Variants in HIP1 observed in about 807,000 individuals in gnomAD.
The protein encoded by HIP1 is huntingtin interacting protein 1.
A neutral mutation model predicts 147.6 loss-of-function variants in HIP1; 65 were observed. The ratio of observed to expected loss-of-function variants is 0.44; its 90% CI spans 0.36 to 0.54. The LOEUF is 0.54. Among genes scored for constraint, HIP1 ranks in the 20% least tolerant of loss-of-function variants. The probability of loss-of-function intolerance (pLI) is 0.00; values close to 1 mark genes in which losing one functional copy is unlikely to be tolerated. For missense variants in HIP1, 1,061 were observed against 1,299.6 expected (o/e 0.82, Z 2.82); for synonymous variants, 479 against 504.0 (o/e 0.95, Z 0.67).
intron 1 of HIP1, among the ~76,000 whole-genome samples, chr7:75,712,203 C>T (rs1801182977): frequency 6.6e-6 from 1 of 152,068 alleles, no homozygotes; most frequent in South Asian, 2.1e-4. Context: ...TATTTTCTTC[C>T]CTTTCTTCTC....
At chr7:75,609,635 G>T (rs1554504464) in intron 1 of HIP1, among the ~76,000 whole-genome samples, 1 of 151,110 alleles carries the variant, frequency 6.6e-6, no homozygotes, top group Non-Finnish European at 1.5e-5. Flanking sequence ...TCGGCTCAGT[G>T]CAACCTCCTC....
In HIP1 at chr7:75,555,511, A is replaced by C. The variant is rs1373163313; in HGVS notation, c.1868T>G (p.Leu623Arg). The C allele has an allele frequency of 1.4e-5, 23 of 1,614,204 alleles. No homozygotes were observed. The highest frequency in any genetic ancestry group is 1.9e-5 in the Non-Finnish European group (23 of 1,180,022). The change falls in exon 19 of 31, where the codon CTT becomes CGT. Residue 623 changes from leucine (L) to arginine (R), a missense_variant. Around this residue, in one of 3 missense-constraint regions of HIP1, gnomAD observed 810 missense variants for 946.8 expected, o/e 0.86. Transcript: ENST00000336926. ...CQLAKDQRKM[L>R]LVGSRKAAEQ... ...CGCAGCCTTCCTGGACCCCACCAGA[A>C]GCATTTTTCGTTGGTCTTTGGCAAG...
chr7:75,641,161 C>T (rs1316647465), intron 1 of HIP1, among the ~76,000 whole-genome samples: 1 of 151,920 alleles, frequency 6.6e-6, no homozygotes, highest in Admixed American at 6.6e-5. Flanking sequence ...CAAAAATTAG[C>T]TGGTCATGAT....
rs782775612 is a variant in HIP1 at position 75,545,757 on chromosome 7, A to G, written c.2560-569T>C. ...TCAAGAGATTGAGACCATCCTGTCT[A>G]ACATGGTGAAACTCCGTCTCTACTA... On this transcript the variant is annotated intron_variant, in intron 25 of 30. Transcript: ENST00000336926. 2.6e-5 allele frequency among the ~76,000 whole-genome samples: 4 copies of G among 152,100 alleles called. 1 individual carries two copies. The highest frequency in any genetic ancestry group is 2.0e-4 in the Admixed American group (3 of 15,244).
At chr7:75,721,571 A>G (rs986108200) in intron 1 of HIP1, among the ~76,000 whole-genome samples, 4 of 151,994 alleles carry the variant, frequency 2.6e-5, no homozygotes, top group Non-Finnish European at 5.9e-5. Context: ...TTTTTGTTAT[A>G]TGCTACAAGC....
At chr7:75,585,355 T>A (rs1163870552) in intron 5 of HIP1, among the ~76,000 whole-genome samples, 1 of 151,908 alleles carries the variant, frequency 6.6e-6, no homozygotes, top group East Asian at 1.9e-4. Flanking sequence ...TTTGTATTTT[T>A]AGTAGAGACG....
Position 75,607,232 on chromosome 7 carries a change from TG to T in HIP1, c.121-7986del, listed in dbSNP as rs201690470. On this transcript the variant is annotated intron_variant, in intron 1 of 30. Coordinates refer to ENST00000336926, the MANE Select transcript of HIP1 (RefSeq NM_005338.7). ...AAAAAAAAAGAGTTGTTTTTTGTTT[TG>T]TTTTTTTTTTTTTTGAGACAGAGTC... is the stretch of plus-strand genomic sequence containing the variant. Among the ~76,000 whole-genome samples, 30 of 146,406 alleles carry T rather than the reference TG, an allele frequency of 2.0e-4. 1 individual carries two copies. Among genetic ancestry groups the T allele is most frequent in the African/African-American group, 5.2e-4 (20 of 38,600 alleles).
At chr7:75,725,790 T>C (rs1801631340) in intron 1 of HIP1, among the ~76,000 whole-genome samples, 1 of 151,962 alleles carries the variant, frequency 6.6e-6, no homozygotes, top group African/African-American at 2.4e-5. Context: ...ATTATGAATA[T>C]TCTTCTAAAT....
At chr7:75,704,158 C>T (rs1201056477) in intron 1 of HIP1, among the ~76,000 whole-genome samples, 2 of 152,176 alleles carry the variant, frequency 1.3e-5, no homozygotes, top group Non-Finnish European at 2.9e-5. Context: ...GATGATCTCA[C>T]AGACAACAAT....
At chr7:75,736,323 G>A (rs1374755568) in intron 1 of HIP1, among the ~76,000 whole-genome samples, 1 of 151,926 alleles carries the variant, frequency 6.6e-6, no homozygotes, top group Non-Finnish European at 1.5e-5. Flanking sequence ...AAAGTCTTAC[G>A]CATATTTCTC....
chr7:75,598,503 T>C (rs1370108531), intron 2 of HIP1, among the ~76,000 whole-genome samples: 1 of 151,712 alleles, frequency 6.6e-6, no homozygotes, highest in Non-Finnish European at 1.5e-5. Flanking sequence ...GGTCCCTGTG[T>C]TCCTGTAAAG....
At chr7:75,594,010 G>A (rs1162959797) in intron 2 of HIP1, among the ~76,000 whole-genome samples, 2 of 151,486 alleles carry the variant, frequency 1.3e-5, no homozygotes, top group African/African-American at 2.4e-5. Context: ...GGTGGAGCGC[G>A]GTGGCTCACA....
At position 75,537,273 on chromosome 7, in the gene HIP1, A is replaced by C. The variant is rs1794118635; in HGVS notation, c.*899T>G. On this transcript the variant is annotated 3_prime_UTR_variant, in exon 31 of 31. Transcript: ENST00000336926. Reference sequence around the variant, plus strand: ...AGGCGGACAGAGGCTTTCCGCCGGGATTCAGCTTTAGGAGGGAAAGGCACT... The same window carrying C: ...AGGCGGACAGAGGCTTTCCGCCGGGCTTCAGCTTTAGGAGGGAAAGGCACT... 4.3e-6 allele frequency: 1 copy of C among 232,804 alleles called. No homozygotes were observed. The highest frequency in any genetic ancestry group is 2.2e-5 in the African/African-American group (1 of 45,320). The allele number at this position is 232,804 out of a possible 1,614,324, so 14.4% of individuals were successfully genotyped here. A position where few individuals can be genotyped will look rare whatever the true frequency, so the allele number is the denominator to read the frequency against.
chr7:75,544,432 A>C (rs76339357), intron 27 of HIP1, among the ~76,000 whole-genome samples: 2 of 111,602 alleles, frequency 1.8e-5, no homozygotes, highest in South Asian at 2.9e-4. Flanking sequence ...GCCAAGTACT[A>C]TCTAACGTAG....
intron 1 of HIP1, among the ~76,000 whole-genome samples, chr7:75,682,103 GGCACACCACCA>G (rs1430603223): frequency 1.5e-5 from 2 of 137,648 alleles, no homozygotes; most frequent in African/African-American, 5.5e-5. Flanking sequence ...TGGGATTACG[GGCACACCACCA>G]CACCCAGCTA....
At chr7:75,593,088 C>T (rs781933523) in intron 2 of HIP1, among the ~76,000 whole-genome samples, 6 of 152,134 alleles carry the variant, frequency 3.9e-5, no homozygotes, top group Non-Finnish European at 7.3e-5. Flanking sequence ...CCTACCTCAG[C>T]CTCCCAAGTA....
chr7:75,605,311 A>G (rs1481301432), intron 1 of HIP1, among the ~76,000 whole-genome samples: 1 of 152,138 alleles, frequency 6.6e-6, no homozygotes, highest in Non-Finnish European at 1.5e-5. Flanking sequence ...AAGTGCCACA[A>G]GTAAAGGCAC....
chr7:75,652,517 C>G (rs570936638), intron 1 of HIP1, among the ~76,000 whole-genome samples: 53 of 152,136 alleles, frequency 3.5e-4, no homozygotes, highest in Non-Finnish European at 6.6e-4. Flanking sequence ...GTGCGTGCCA[C>G]TGCTCCTAGC....
intron 1 of HIP1, among the ~76,000 whole-genome samples, chr7:75,668,678 T>A (rs1799633115): frequency 6.6e-6 from 1 of 152,150 alleles, no homozygotes; most frequent in Non-Finnish European, 1.5e-5. Context: ...TCCTGGCCAA[T>A]GATAGCACCA....
Sources: gnomAD v4.1 joint callset for allele counts (sites outside exome capture counted in the v4.1 genomes callset) on GRCh38, gnomAD v4.1.1 for gene constraint, gnomAD v4.1.1 regional missense constraint, MANE v1.5 for transcripts, NCBI Gene and HGNC (gene_info 2026-07-23, HGNC 2026-07-21) for gene names.